The following ZCCHC4 variants were observed in gnomAD, a reference collection of about 807,000 sequenced individuals.
The protein encoded by ZCCHC4 is rRNA N(6)-adenosine-methyltransferase ZCCHC4.
A neutral mutation model predicts 67.7 loss-of-function variants in ZCCHC4; 54 were observed. The observed-to-expected ratio is 0.80, with a 90% confidence interval of 0.64 to 1.00. ZCCHC4 has a LOEUF of 1.00. ZCCHC4 is among the 50% of genes least tolerant of loss of function. ZCCHC4 has a pLI of 0.00. For missense variants in ZCCHC4, 609 were observed against 617.0 expected (o/e 0.99, Z 0.14); for synonymous variants, 198 against 213.5 (o/e 0.93, Z 0.63).
chr4:25,364,881 C>G (rs1720882258), intron 11 of ZCCHC4, 141 bp from the exon 12 acceptor site: 2 of 1,183,642 alleles, frequency 1.7e-6, no homozygotes, highest in African/African-American at 3.1e-5. Flanking sequence ...TCCCTGGTCT[C>G]TTTAGCCAAA....
In ZCCHC4 at chr4:25,323,533, G is replaced by C. The variant is rs560514375; in HGVS notation, c.329+8133G>C. 3.3e-5 allele frequency among the ~76,000 whole-genome samples: 5 copies of C among 152,174 alleles called. No individual in the cohort carries two copies. The East Asian group carries it at 7.7e-4, about 24-fold the overall frequency. ...GATTTAATTTTCACAATATGATGGG[G>C]GTTGTATGTAGGGTGACTGTAGAAT... On this transcript the variant is annotated intron_variant, in intron 3 of 12. Transcript: ENST00000302874.
chr4:25,339,047 T>A (rs1349000245), intron 5 of ZCCHC4, among the ~76,000 whole-genome samples: 1 of 152,230 alleles, frequency 6.6e-6, no homozygotes, highest in African/African-American at 2.4e-5. Context: ...GAGGCCTCTC[T>A]CTGTGGCATG....
At chr4:25,348,453 A>G (rs1029650428) in intron 6 of ZCCHC4, among the ~76,000 whole-genome samples, 3 of 152,164 alleles carry the variant, frequency 2.0e-5, no homozygotes, top group Non-Finnish European at 4.4e-5. Flanking sequence ...TGGGTTCTGC[A>G]TCTGTGGATT....
intron 3 of ZCCHC4, among the ~76,000 whole-genome samples, chr4:25,330,475 A>G (rs1719121126): frequency 6.6e-6 from 1 of 152,112 alleles, no homozygotes; most frequent in Admixed American, 6.6e-5. Context: ...CTTGAGCAGG[A>G]TTTAGCAAAC....
intron 8 of ZCCHC4, among the ~76,000 whole-genome samples, chr4:25,353,218 AT>A (rs34192390): frequency 0.077 from 11,787 of 152,198 alleles, 494 homozygotes; most frequent in South Asian, 0.11. Context: ...TATGCATATA[AT>A]TTTTTCATGT....
intron 8 of ZCCHC4, among the ~76,000 whole-genome samples, chr4:25,360,143 G>A (rs1247180892): frequency 1.3e-5 from 2 of 152,176 alleles, no homozygotes; most frequent in African/African-American, 2.4e-5. Flanking sequence ...TAGTGTTGCC[G>A]CAGGGCTTTT....
intron 8 of ZCCHC4, among the ~76,000 whole-genome samples, chr4:25,360,408 C>T (rs959283466): frequency 1.3e-5 from 2 of 152,250 alleles, no homozygotes; most frequent in Admixed American, 1.3e-4. Flanking sequence ...GCATAGAGAA[C>T]ACCCTTGGGC....
intron 8 of ZCCHC4, among the ~76,000 whole-genome samples, chr4:25,354,508 T>C (rs1720435296): frequency 1.3e-5 from 2 of 152,240 alleles, no homozygotes; most frequent in African/African-American, 4.8e-5. Context: ...CATGCTCATG[T>C]TGGAGAAACT....
At chr4:25,357,693 T>G (rs901484330) in intron 8 of ZCCHC4, among the ~76,000 whole-genome samples, 1 of 152,248 alleles carries the variant, frequency 6.6e-6, no homozygotes, top group Non-Finnish European at 1.5e-5. Context: ...TGTTGTAAGT[T>G]CTTTTGTATT....
chr4:25,323,797 G>A (rs2671451), intron 3 of ZCCHC4, among the ~76,000 whole-genome samples: 29,393 of 151,738 alleles, frequency 0.19, 3,578 homozygotes, highest in African/African-American at 0.34. Flanking sequence ...ACCATTTGAT[G>A]AATTTTGACA....
At chr4:25,364,212 A>G (rs929036029) in intron 10 of ZCCHC4, among the ~76,000 whole-genome samples, 1 of 152,156 alleles carries the variant, frequency 6.6e-6, no homozygotes, top group African/African-American at 2.4e-5. Flanking sequence ...TTTCAAGATC[A>G]TTTAGATAAA....
At chr4:25,331,099 G>C (rs1386136319) in intron 3 of ZCCHC4, among the ~76,000 whole-genome samples, 1 of 152,158 alleles carries the variant, frequency 6.6e-6, no homozygotes, top group Non-Finnish European at 1.5e-5. Context: ...CTCCATCCCT[G>C]TGCTGCCAGC....
intron 8 of ZCCHC4, among the ~76,000 whole-genome samples, chr4:25,356,079 A>G (rs1008861703): frequency 3.9e-5 from 6 of 152,236 alleles, no homozygotes; most frequent in African/African-American, 1.4e-4. Flanking sequence ...GTCTCATGTT[A>G]CAGAAGACAT....
intron 5 of ZCCHC4, among the ~76,000 whole-genome samples, chr4:25,338,691 A>C (rs1719587804): frequency 6.6e-6 from 1 of 152,192 alleles, no homozygotes; most frequent in Non-Finnish European, 1.5e-5. Flanking sequence ...CTTAGCATAA[A>C]GTTTTTGAGG....
intron 12 of ZCCHC4, chr4:25,366,076 G>C: frequency 1.0e-6 from 1 of 974,494 alleles, no homozygotes; most frequent in Non-Finnish European, 1.2e-6. Context: ...ATTTGTGTTA[G>C]AAATATCTGA....
Position 25,314,107 on chromosome 4 carries a change from C to A in ZCCHC4, c.189C>A (p.Ala63=), listed in dbSNP as rs775247982. The change falls in exon 2 of 13, where the codon GCC becomes GCA. Residue 63 remains alanine (A), a synonymous_variant. Transcript: ENST00000302874. ...QGKEETRRFY[A]CSACRDRKDC... The stretch of plus-strand genomic sequence containing the variant: ...AAGAAGAAACTCGGAGGTTTTATGC[C>A]TGTTCAGCCTGTAGAGATAGAAAAG... The A allele has an allele frequency of 6.2e-7, 1 of 1,611,410 alleles. No individual in the cohort carries two copies. The highest frequency in any genetic ancestry group is 8.5e-7 in the Non-Finnish European group (1 of 1,179,322).
chr4:25,352,191 T>C (rs1424866400), intron 8 of ZCCHC4: 9 of 985,456 alleles, frequency 9.1e-6, no homozygotes, highest in East Asian at 1.1e-4. Context: ...TGTGAATGTG[T>C]TGATTCCGGG....
chr4:25,342,177 G>C (rs1719785743), intron 5 of ZCCHC4, among the ~76,000 whole-genome samples: 1 of 152,166 alleles, frequency 6.6e-6, no homozygotes, highest in African/African-American at 2.4e-5. Context: ...CACATAAGTT[G>C]CTGGAATGCT....
intron 3 of ZCCHC4, among the ~76,000 whole-genome samples, chr4:25,321,485 G>A (rs953414033): frequency 1.3e-5 from 2 of 152,154 alleles, no homozygotes; most frequent in Non-Finnish European, 2.9e-5. Context: ...CGACTCTCCT[G>A]CCTCAGCCTC....
Sources: gnomAD v4.1 joint callset for allele counts (sites outside exome capture counted in the v4.1 genomes callset) on GRCh38, gnomAD v4.1.1 for gene constraint, MANE v1.5 for transcripts, NCBI Gene and HGNC (gene_info 2026-07-23, HGNC 2026-07-21) for gene names.